KCNMA1: variants seen among roughly 807,000 people sequenced by gnomAD.
KCNMA1 encodes potassium calcium-activated channel subfamily M alpha 1, also known as Calcium-activated potassium channel subunit alpha-1.
Under a neutral mutation model 140.0 loss-of-function variants are expected in KCNMA1, and 29 were observed. The ratio of observed to expected loss-of-function variants is 0.21; its 90% CI spans 0.15 to 0.28. The LOEUF is 0.28. Among genes scored for constraint, KCNMA1 ranks in the 10% least tolerant of loss-of-function variants. KCNMA1 has a pLI of 1.00. For missense variants in KCNMA1, 880 were observed against 1,602.2 expected, an observed-to-expected ratio of 0.55 and a Z score of 7.70; for synonymous variants, 612 against 611.9, an observed-to-expected ratio of 1.00 and a Z score of 0.00.
chr10:76,921,324 G>C (rs2055678250), intron 23 of KCNMA1, among the ~76,000 whole-genome samples: 2 of 152,104 alleles, frequency 1.3e-5, no homozygotes, highest in Non-Finnish European at 2.9e-5. Context: ...TTAAAATCAA[G>C]AGAAACATCT....
At chr10:77,007,673 A>ATATATATATATATG (rs201799760) in intron 18 of KCNMA1, among the ~76,000 whole-genome samples, 4 of 142,502 alleles carry the variant, frequency 2.8e-5, no homozygotes, top group Admixed American at 2.1e-4. Flanking sequence ...ATATATATAT[A>ATATATATATATATG]TATGTATCAC....
rs2154025987 is a variant in KCNMA1 at position 77,142,471 on chromosome 10, G to C, written c.809-21423C>G. 2.0e-5 allele frequency among the ~76,000 whole-genome samples: 3 copies of C among 152,262 alleles called. No individual in the cohort carries two copies. In the Middle Eastern group the frequency reaches 0.01, roughly 521 times the overall value. ...ATGTGTATGTGTATGTTACATAAAT[G>C]TGTATCTGAGTGAATGTGTATGGAA... On this transcript the variant is annotated intron_variant, in intron 5 of 27. Coordinates refer to ENST00000286628, the MANE Select transcript of KCNMA1 (RefSeq NM_001161352.2).
At chr10:77,512,329 A>C (rs569722916) in intron 1 of KCNMA1, among the ~76,000 whole-genome samples, 4 of 152,182 alleles carry the variant, frequency 2.6e-5, no homozygotes. Flanking sequence ...AGTTACCCAC[A>C]GTACAGTACA....
chr10:77,373,527 G>C (rs1210714594), intron 2 of KCNMA1, among the ~76,000 whole-genome samples: 1 of 152,216 alleles, frequency 6.6e-6, no homozygotes, highest in African/African-American at 2.4e-5. Flanking sequence ...CTGGGGCTAA[G>C]TATTTTAATT....
At chr10:77,405,306 G>A (rs1038302944) in intron 1 of KCNMA1, among the ~76,000 whole-genome samples, 8 of 152,080 alleles carry the variant, frequency 5.3e-5, no homozygotes, top group South Asian at 4.1e-4. Flanking sequence ...ACTTAAAACC[G>A]CTAATATACT....
intron 2 of KCNMA1, among the ~76,000 whole-genome samples, chr10:77,281,284 G>A (rs2068504769): frequency 6.6e-6 from 1 of 152,138 alleles, no homozygotes; most frequent in East Asian, 1.9e-4. Context: ...AGCCTTGAAT[G>A]CATTAGAAAA....
intron 21 of KCNMA1, among the ~76,000 whole-genome samples, chr10:76,952,794 A>G (rs902427975): frequency 7.9e-5 from 12 of 152,218 alleles, no homozygotes; most frequent in Admixed American, 7.9e-4. Context: ...GAGGACCCAG[A>G]ACAGTCCTTG....
At chr10:76,956,639 TAAGATA>T (rs1261771063) in intron 20 of KCNMA1, among the ~76,000 whole-genome samples, 1 of 152,064 alleles carries the variant, frequency 6.6e-6, no homozygotes, top group Non-Finnish European at 1.5e-5. Flanking sequence ...CAGTAATGAT[TAAGATA>T]AAGTCCCTAG....
At chr10:77,602,601 T>C (rs996455773) in intron 1 of KCNMA1, among the ~76,000 whole-genome samples, 1 of 152,134 alleles carries the variant, frequency 6.6e-6, no homozygotes, top group African/African-American at 2.4e-5. Flanking sequence ...TGTAGAAGAA[T>C]ATGGAGGTAG....
chr10:77,040,417 C>T (rs1253056472), intron 14 of KCNMA1, among the ~76,000 whole-genome samples: 4 of 151,790 alleles, frequency 2.6e-5, no homozygotes, highest in African/African-American at 9.7e-5. Context: ...GGGAAATAAC[C>T]GTAAATGGCA....
intron 1 of KCNMA1, among the ~76,000 whole-genome samples, chr10:77,483,810 G>A (rs2098430679): frequency 1.3e-5 from 2 of 152,230 alleles, no homozygotes; most frequent in African/African-American, 4.8e-5. Flanking sequence ...TGAAGGGGAG[G>A]AGGCAATTTA....
At chr10:77,514,485 C>T (rs755391707) in intron 1 of KCNMA1, among the ~76,000 whole-genome samples, 24 of 152,108 alleles carry the variant, frequency 1.6e-4, no homozygotes, top group South Asian at 4.2e-4. Context: ...CACAACTCCA[C>T]GCCTTAATAA....
At chr10:77,434,833 G>T (rs1255059165) in intron 1 of KCNMA1, among the ~76,000 whole-genome samples, 1 of 152,156 alleles carries the variant, frequency 6.6e-6, no homozygotes, top group Non-Finnish European at 1.5e-5. Context: ...AAGAAGGACT[G>T]GATCAGTGCT....
chr10:77,597,041 C>T (rs956491406), intron 1 of KCNMA1, among the ~76,000 whole-genome samples: 1 of 152,138 alleles, frequency 6.6e-6, no homozygotes, highest in Non-Finnish European at 1.5e-5. Context: ...TATTAATATT[C>T]TATATAGACA....
chr10:77,284,038 G>C (rs1341783953), intron 2 of KCNMA1, among the ~76,000 whole-genome samples: 2 of 152,116 alleles, frequency 1.3e-5, no homozygotes, highest in African/African-American at 2.4e-5. Context: ...CAAACAGAGG[G>C]AACAGCACAT....
At chr10:77,431,974 A>T (rs1482411746) in intron 1 of KCNMA1, among the ~76,000 whole-genome samples, 1 of 151,940 alleles carries the variant, frequency 6.6e-6, no homozygotes. Context: ...GCCTGGCGAC[A>T]GAGCAAGACT....
At chr10:76,877,233 G>A (rs2032563210), downstream of KCNMA1, 1 of 153,688 alleles carries the variant, frequency 6.5e-6, no homozygotes, top group Non-Finnish European at 1.5e-5. Flanking sequence ...TGTCCCCTTA[G>A]TCTTCTTTTC....
intron 2 of KCNMA1, among the ~76,000 whole-genome samples, chr10:77,365,483 C>T (rs2094289244): frequency 1.3e-5 from 2 of 152,190 alleles, no homozygotes; most frequent in South Asian, 4.1e-4. Context: ...AATGGTAGAA[C>T]TCTCATGCAC....
At chr10:77,422,880 A>G (rs1382077584) in intron 1 of KCNMA1, among the ~76,000 whole-genome samples, 7 of 152,228 alleles carry the variant, frequency 4.6e-5, no homozygotes, top group African/African-American at 1.7e-4. Context: ...GGCCCTGCTG[A>G]CATCTTGATT....
Sources: allele counts gnomAD v4.1 joint callset (sites outside exome capture counted in the v4.1 genomes callset), GRCh38; gene constraint gnomAD v4.1.1; transcripts MANE v1.5; gene names NCBI Gene and HGNC (gene_info 2026-07-23, HGNC 2026-07-21).